The following RPA3 variants were observed in gnomAD, a reference collection of about 807,000 sequenced individuals.
RPA3 encodes replication protein A 14 kDa subunit.
Under a neutral mutation model 13.7 loss-of-function variants are expected in RPA3, and 24 were observed. The ratio of observed to expected loss-of-function variants is 1.75; its 90% CI spans 1.27 to 2.46. The LOEUF (loss-of-function observed/expected upper bound fraction) is 2.46, where lower values mean the gene tolerates loss of function less well. Among genes scored for constraint, RPA3 ranks in the 30% most tolerant of loss-of-function variants. The pLI, the probability that RPA3 is intolerant of heterozygous loss-of-function variation, is 0.00. For missense variants in RPA3, 183 were observed against 151.0 expected, an observed-to-expected ratio of 1.21 and a Z score of -1.11; for synonymous variants, 59 against 51.2, an observed-to-expected ratio of 1.15 and a Z score of -0.65.
At position 7,640,643 on chromosome 7, in the gene RPA3, C is replaced by A; in HGVS notation, c.-225G>T. ...AGTGGAGATTGGCTGCTTAGTGACG[C>A]GCGGCGTCCCGGAAGTTGACAGATA... On this transcript the variant is annotated 5_prime_UTR_variant, in exon 5 of 8. Coordinates refer to ENST00000223129, the MANE Select transcript of RPA3 (RefSeq NM_002947.5). 1 of 540,200 alleles carries A rather than the reference C, an allele frequency of 1.9e-6. No individual in the cohort carries two copies. The highest frequency in any genetic ancestry group is 2.3e-5 in the South Asian group (1 of 43,894). The allele number at this position is 540,200 out of a possible 1,614,324, so 33.5% of individuals were successfully genotyped here.
chr7:7,653,614 C>T lies in RPA3; in HGVS notation c.-757-12439G>A, dbSNP rs138795892. Among the ~76,000 whole-genome samples, 437 of 152,316 alleles carry T rather than the reference C, an allele frequency of 2.9e-3. 2 individuals carry two copies. Among genetic ancestry groups the T allele is most frequent in the Non-Finnish European group, 4.9e-3 (336 of 68,022 alleles). On this transcript the variant is annotated intron_variant, in intron 4 of 7. Transcript: ENST00000223129. Reference sequence around the variant, plus strand: ...CAACACATTTTTTATTATTCACTGTCATTGTTCACACTGAAGAAAAGGGCA... The same window carrying T: ...CAACACATTTTTTATTATTCACTGTTATTGTTCACACTGAAGAAAAGGGCA...
rs933718050 is a variant in RPA3 at position 7,650,173 on chromosome 7, T to C, written c.-757-8998A>G. Among the ~76,000 whole-genome samples the C allele has an allele frequency of 2.6e-5, 4 of 152,356 alleles. No homozygotes were observed. In the East Asian group the frequency reaches 7.7e-4, roughly 29 times the overall value. On this transcript the variant is annotated intron_variant, in intron 4 of 7. Transcript: ENST00000223129. ...TTATGCTGTTGTCTAGAGATTTAGT[T>C]CTGTTTTGATTTCTTGTAATCCCAC...
rs544468626 is a variant in RPA3 at position 7,713,840 on chromosome 7, T to A, written c.-1028+1335A>T. On this transcript the variant is annotated intron_variant, in intron 2 of 7. Coordinates refer to ENST00000223129, the MANE Select transcript of RPA3 (RefSeq NM_002947.5). ...TTCTCTTTTCAAAAAATTAAAAAAATTTTTTCTAGAGGCAGGGTCTCACTC... is the reference window on the plus strand; with the variant it reads ...TTCTCTTTTCAAAAAATTAAAAAAAATTTTTCTAGAGGCAGGGTCTCACTC... Among the ~76,000 whole-genome samples the A allele has an allele frequency of 6.8e-4, 103 of 152,288 alleles. 4 individuals carry two copies. In the South Asian group the frequency reaches 0.02, roughly 29 times the overall value.
intron 7 of RPA3, 147 bp from the exon 8 acceptor site, chr7:7,637,229 A>AT (rs1238782780): frequency 1.6e-6 from 1 of 637,518 alleles, no homozygotes; most frequent in Non-Finnish European, 2.7e-6. Flanking sequence ...GGATTCTTGT[A>AT]TTTAACTGTG....
Position 7,636,831 on chromosome 7 carries a change from C to T in RPA3, c.*169G>A, listed in dbSNP as rs751769254. On this transcript the variant is annotated 3_prime_UTR_variant, in exon 8 of 8. Transcript: ENST00000223129. Reference sequence around the variant, plus strand: ...GTAGCAATTCTTTATAAAAGGACTTCGGTGAGAACTGTCAATATATCAGTT... The same window carrying T: ...GTAGCAATTCTTTATAAAAGGACTTTGGTGAGAACTGTCAATATATCAGTT... The T allele has an allele frequency of 3.3e-5, 19 of 573,312 alleles. No homozygotes were observed. The highest frequency in any genetic ancestry group is 7.0e-5 in the Admixed American group (2 of 28,694). The allele number at this position is 573,312 out of a possible 1,614,324, so 35.5% of individuals were successfully genotyped here. A position where few individuals can be genotyped will look rare whatever the true frequency, so the allele number is the denominator to read the frequency against.
At chr7:7,669,284 AG>A (rs1282427547) in intron 4 of RPA3, among the ~76,000 whole-genome samples, 1 of 152,178 alleles carries the variant, frequency 6.6e-6, no homozygotes, top group Non-Finnish European at 1.5e-5. Flanking sequence ...GACACACTGT[AG>A]GAACTCAGTA....
intron 4 of RPA3, among the ~76,000 whole-genome samples, chr7:7,648,116 T>A (rs1785139226): frequency 6.6e-6 from 1 of 152,218 alleles, no homozygotes; most frequent in Non-Finnish European, 1.5e-5. Context: ...AACAGGCTGA[T>A]ACCAGCCAGT....
rs536707380 is a variant in RPA3, at chr7:7,696,831, TTTC to T, written c.-1027-9506_-1027-9504del. Among the ~76,000 whole-genome samples the T allele has an allele frequency of 1.2e-3, 188 of 151,968 alleles. 1 individual carries two copies. Among genetic ancestry groups the T allele is most frequent in the Non-Finnish European group, 1.7e-3 (114 of 68,016 alleles). On this transcript the variant is annotated intron_variant, in intron 2 of 7. Transcript: ENST00000223129. ...AACATGTAGATGTTCTCTCTTTTTCTTTCTTCTTCTTTTTTTTTTTAAAGGCTG... is the reference window on the plus strand; with the variant it reads ...AACATGTAGATGTTCTCTCTTTTTCTTTCTTCTTTTTTTTTTTAAAGGCTG...
intron 1 of RPA3, among the ~76,000 whole-genome samples, chr7:7,717,060 C>CTTTTTTT (rs766644906): frequency 9.2e-5 from 13 of 141,622 alleles, no homozygotes; most frequent in African/African-American, 3.2e-4. Flanking sequence ...TTCTTTTTTT[C>CTTTTTTT]TTTTTTTTTT....
rs76051178 is a variant in RPA3 at position 7,670,271 on chromosome 7, A to G, written c.-758+15559T>C. Among the ~76,000 whole-genome samples the G allele has an allele frequency of 2.0e-4, 30 of 152,310 alleles. No homozygotes were observed. In the East Asian group the frequency reaches 4.2e-3, roughly 22 times the overall value. On this transcript the variant is annotated intron_variant, in intron 4 of 7. Coordinates refer to ENST00000223129, the MANE Select transcript of RPA3 (RefSeq NM_002947.5). ...ATTTCTGACTTGTGGCCAGACATCA[A>G]AAGGCATTGGAAATTTGAGTCCTTC...
chr7:7,655,396 A>G (rs545876588), intron 4 of RPA3, among the ~76,000 whole-genome samples: 127 of 152,344 alleles, frequency 8.3e-4, no homozygotes, highest in African/African-American at 2.9e-3. Flanking sequence ...ATGAGGATCA[A>G]GAAAAAATAA....
At chr7:7,662,755 A>T (rs1583706569) in intron 4 of RPA3, among the ~76,000 whole-genome samples, 1 of 152,314 alleles carries the variant, frequency 6.6e-6, no homozygotes, top group East Asian at 1.9e-4. Flanking sequence ...AGCTGTTGCT[A>T]TTCGGCCATC....
chr7:7,709,373 A>T (rs953149311), intron 2 of RPA3, among the ~76,000 whole-genome samples: 1 of 152,218 alleles, frequency 6.6e-6, no homozygotes, highest in Admixed American at 6.5e-5. Context: ...TTGTCCTCAC[A>T]CCATCTCTTA....
At chr7:7,654,695 G>A (rs1326607570) in intron 4 of RPA3, among the ~76,000 whole-genome samples, 1 of 152,236 alleles carries the variant, frequency 6.6e-6, no homozygotes, top group East Asian at 1.9e-4. Flanking sequence ...TTGAGGCTAG[G>A]AGTTCGAGAC....
At chr7:7,669,488 TTAAGA>T (rs1195225605) in intron 4 of RPA3, among the ~76,000 whole-genome samples, 2 of 152,186 alleles carry the variant, frequency 1.3e-5, no homozygotes, top group Non-Finnish European at 2.9e-5. Context: ...TATCATGGGA[TTAAGA>T]TAAGCTGATG....
chr7:7,699,761 C>T (rs1252609758), intron 2 of RPA3, among the ~76,000 whole-genome samples: 1 of 152,158 alleles, frequency 6.6e-6, no homozygotes, highest in Non-Finnish European at 1.5e-5. Flanking sequence ...TCTTAGTGCT[C>T]ATATAATGCC....
intron 4 of RPA3, among the ~76,000 whole-genome samples, chr7:7,645,132 A>G (rs1028360937): frequency 1.3e-5 from 2 of 152,118 alleles, no homozygotes; most frequent in Non-Finnish European, 2.9e-5. Flanking sequence ...AGAATTTTCT[A>G]TCAGTTTTTT....
chr7:7,651,255 G>C (rs1785217472), intron 4 of RPA3, among the ~76,000 whole-genome samples: 1 of 152,192 alleles, frequency 6.6e-6, no homozygotes, highest in Admixed American at 6.5e-5. Context: ...GTATATGTTA[G>C]TACTAGAGCT....
At chr7:7,682,719 T>C (rs1779943936) in intron 4 of RPA3, among the ~76,000 whole-genome samples, 1 of 152,232 alleles carries the variant, frequency 6.6e-6, no homozygotes, top group Non-Finnish European at 1.5e-5. Context: ...ACTTACCCTA[T>C]CGCTGTCTCC....
Sources: allele counts gnomAD v4.1 joint callset (sites outside exome capture counted in the v4.1 genomes callset), GRCh38; gene constraint gnomAD v4.1.1; transcripts MANE v1.5; gene names NCBI Gene and HGNC (gene_info 2026-07-23, HGNC 2026-07-21).